PIAS1: variants seen among roughly 807,000 people sequenced by gnomAD.
The protein encoded by PIAS1 is protein inhibitor of activated STAT 1.
PIAS1 carries 6 observed loss-of-function variants against 71.3 expected under a neutral mutation model. That is an observed-to-expected ratio of 0.08 (90% CI 0.05 to 0.17). The LOEUF (loss-of-function observed/expected upper bound fraction) is 0.17. Ranked by LOEUF, PIAS1 falls within the 10% of genes least tolerant of loss-of-function variation. The pLI is 1.00. For synonymous variants in PIAS1, 303 were observed against 292.9 expected, an observed-to-expected ratio of 1.03 and a Z score of -0.35; for missense variants, 555 against 793.6, an observed-to-expected ratio of 0.70 and a Z score of 3.61.
intron 1 of PIAS1, among the ~76,000 whole-genome samples, chr15:68,065,737 T>C (rs967562349): frequency 9.0e-5 from 3 of 33,346 alleles, no homozygotes; most frequent in African/African-American, 4.1e-4. Flanking sequence ...CTTGAAGTAC[T>C]TTTTTTTTTT....
At chr15:68,142,112 GGTGA>G in intron 3 of PIAS1, 82 bp downstream of exon 3, 2 of 1,015,238 alleles carry the variant, frequency 2.0e-6, no homozygotes. Flanking sequence ...AACAGTGATT[GGTGA>G]GTTAGTATTT....
At chr15:68,085,343 A>T (rs11853569) in intron 1 of PIAS1, among the ~76,000 whole-genome samples, 4,589 of 152,108 alleles carry the variant, frequency 0.03, 165 homozygotes, top group African/African-American at 0.087. Flanking sequence ...AAATGGGAGG[A>T]TTGGTATAGA....
At chr15:68,160,525 A>C (rs2092917854) in intron 7 of PIAS1, among the ~76,000 whole-genome samples, 1 of 152,144 alleles carries the variant, frequency 6.6e-6, no homozygotes, top group Admixed American at 6.5e-5. Flanking sequence ...TAAGTCTTGA[A>C]ATCAGTTAGA....
intron 2 of PIAS1, among the ~76,000 whole-genome samples, chr15:68,104,439 A>C (rs28579217): frequency 6.6e-6 from 1 of 152,170 alleles, no homozygotes; most frequent in African/African-American, 2.4e-5. Context: ...ACCAACATCA[A>C]CAACTTTTAA....
At position 68,106,772 on chromosome 15, in the gene PIAS1, C is replaced by T. The variant is rs143421410; in HGVS notation, c.469+20022C>T. ...AGAGTGAAGGGGGATTAGGCTCTAA[C>T]GTCAGTGTATTAGCCCTACTGCTGA... On this transcript the variant is annotated intron_variant, in intron 2 of 13. Transcript: ENST00000249636. 4.7e-3 allele frequency among the ~76,000 whole-genome samples: 723 copies of T among 152,298 alleles called. 2 individuals carry two copies. Among genetic ancestry groups the T allele is most frequent in the Non-Finnish European group, 6.9e-3 (467 of 68,034 alleles).
At chr15:68,157,587 C>T (rs1826290686) in intron 7 of PIAS1, among the ~76,000 whole-genome samples, 1 of 152,196 alleles carries the variant, frequency 6.6e-6, no homozygotes, top group African/African-American at 2.4e-5. Context: ...ACTTCTGCTG[C>T]ATTTGATATG....
chr15:68,181,279 A>G lies in PIAS1; in HGVS notation c.1549A>G (p.Ser517Gly). ...CCCAAGCCTTCCTGCTGTAGACACAAGCTACATTAATACCTCCCTCATCCA... is the reference window on the plus strand; with the variant it reads ...CCCAAGCCTTCCTGCTGTAGACACAGGCTACATTAATACCTCCCTCATCCA... Reference protein sequence around the residue: ...RTPSLPAVDTSYINTSLIQDY... With the variant: ...RTPSLPAVDTGYINTSLIQDY... Residue 517 changes from serine (S) to glycine (G), a missense_variant, in exon 12 of 14, where the codon AGC (serine) becomes GGC (glycine). Physicochemically the swap from Ser to Gly is moderately conservative, Grantham distance 56. This residue lies in a region of PIAS1 where 244 missense variants were observed against 307.5 expected (regional missense o/e 0.79). Transcript: ENST00000249636. 1 of 1,613,384 alleles carries G rather than the reference A, an allele frequency of 6.2e-7. No homozygotes were observed. Among genetic ancestry groups the G allele is most frequent in the Non-Finnish European group, 8.5e-7 (1 of 1,179,396 alleles).
intron 2 of PIAS1, among the ~76,000 whole-genome samples, chr15:68,129,268 A>G (rs1398623704): frequency 6.6e-6 from 1 of 152,100 alleles, no homozygotes; most frequent in African/African-American, 2.4e-5. Context: ...GGGTCTCACT[A>G]TATTGCCCAG....
intron 1 of PIAS1, among the ~76,000 whole-genome samples, chr15:68,076,232 T>G (rs2140971486): frequency 6.6e-6 from 1 of 152,268 alleles, no homozygotes; most frequent in East Asian, 1.9e-4. Context: ...GGAATCAGGC[T>G]GGGCGCGGTG....
At chr15:68,071,205 C>T (rs1429721618) in intron 1 of PIAS1, among the ~76,000 whole-genome samples, 1 of 121,140 alleles carries the variant, frequency 8.3e-6, no homozygotes, top group South Asian at 3.4e-4. Context: ...TTTTCACCCC[C>T]GCCCCCCCGC....
intron 2 of PIAS1, among the ~76,000 whole-genome samples, chr15:68,095,527 CTT>C (rs1161480690): frequency 3.0e-5 from 4 of 131,954 alleles, no homozygotes; most frequent in African/African-American, 5.6e-5. Context: ...TTAAGACATT[CTT>C]TTTTTTTTTT....
chr15:68,135,754 G>A lies in PIAS1; in HGVS notation c.470-6192G>A, dbSNP rs1296456994. ...AGACAGGGTGGCTGCCGGGCGTAGGGGCTCCTCACTTCTCAGACGGGGCGG... is the reference window on the plus strand; with the variant it reads ...AGACAGGGTGGCTGCCGGGCGTAGGAGCTCCTCACTTCTCAGACGGGGCGG... On this transcript the variant is annotated intron_variant, in intron 2 of 13. Coordinates refer to ENST00000249636, the MANE Select transcript of PIAS1 (RefSeq NM_016166.3). Among the ~76,000 whole-genome samples, 51 of 39,012 alleles carry A rather than the reference G, an allele frequency of 1.3e-3. 4 individuals carry two copies. Among genetic ancestry groups the A allele is most frequent in the African/African-American group, 2.7e-3 (49 of 18,082 alleles). The allele number at this position is 39,012 out of a possible 152,430, so 25.6% of individuals were successfully genotyped here.
In PIAS1 at chr15:68,193,500, C is replaced by T. The variant is rs547069495; in HGVS notation, c.*5665C>T. ...GTCATAAGTGTTACAGCTTTCTGTT[C>T]ATTGCTGCTTCTCAGCTAGCACTGG... On this transcript the variant is annotated 3_prime_UTR_variant, in exon 14 of 14. Transcript: ENST00000249636. The T allele has an allele frequency of 6.5e-6, 1 of 153,682 alleles. No individual in the cohort carries two copies. Among genetic ancestry groups the T allele is most frequent in the African/African-American group, 2.4e-5 (1 of 41,612 alleles). 9.5% of individuals were successfully genotyped at this position (153,682 alleles called of 1,614,324 possible). A position where few individuals can be genotyped will look rare whatever the true frequency, so the allele number is the denominator to read the frequency against.
chr15:68,133,314 G>A (rs576927775), intron 2 of PIAS1, among the ~76,000 whole-genome samples: 1 of 151,966 alleles, frequency 6.6e-6, no homozygotes, highest in Admixed American at 6.6e-5. Context: ...AAGACAGGAA[G>A]GTTAAAGATG....
intron 2 of PIAS1, among the ~76,000 whole-genome samples, chr15:68,130,355 A>G (rs975853613): frequency 2.0e-5 from 3 of 152,020 alleles, no homozygotes. Flanking sequence ...GGAGCAATAC[A>G]TTTACACAGT....
intron 2 of PIAS1, among the ~76,000 whole-genome samples, chr15:68,134,837 C>CA: frequency 2.5e-5 from 1 of 40,012 alleles, no homozygotes; most frequent in Non-Finnish European, 9.8e-5. Context: ...GCTGGCCGGG[C>CA]GGGGGGCTGA....
chr15:68,114,732 T>A (rs569422392), intron 2 of PIAS1, among the ~76,000 whole-genome samples: 1 of 151,322 alleles, frequency 6.6e-6, no homozygotes, highest in Non-Finnish European at 1.5e-5. Flanking sequence ...GTATCTAGAT[T>A]TTTTTTTTAC....
intron 7 of PIAS1, among the ~76,000 whole-genome samples, chr15:68,157,345 C>G (rs2092897676): frequency 6.6e-6 from 1 of 152,138 alleles, no homozygotes; most frequent in Non-Finnish European, 1.5e-5. Context: ...ACTCTTTTAT[C>G]TTTTAAAAAA....
chr15:68,182,107 CCTT>C (rs1312799353), intron 12 of PIAS1, among the ~76,000 whole-genome samples: 4 of 151,924 alleles, frequency 2.6e-5, no homozygotes, highest in East Asian at 1.9e-4. Flanking sequence ...TGAATTTGAT[CCTT>C]CTTAAAAATT....
Sources: gnomAD v4.1 joint callset for allele counts (sites outside exome capture counted in the v4.1 genomes callset) on GRCh38, gnomAD v4.1.1 for gene constraint, gnomAD v4.1.1 regional missense constraint, MANE v1.5 for transcripts, NCBI Gene and HGNC (gene_info 2026-07-23, HGNC 2026-07-21) for gene names.